Variants in NFIX observed in about 807,000 individuals in gnomAD.
NFIX encodes the protein nuclear factor I X.
A neutral mutation model predicts 53.3 loss-of-function variants in NFIX; 2 were observed. That is an observed-to-expected ratio of 0.04 (90% CI 0.02 to 0.12). The LOEUF (loss-of-function observed/expected upper bound fraction) is 0.12. Among genes scored for constraint, NFIX ranks in the 10% least tolerant of loss-of-function variants. The pLI is 1.00. For missense variants in NFIX, 310 were observed against 674.5 expected (o/e 0.46, Z 5.99); for synonymous variants, 244 against 289.0 (o/e 0.84, Z 1.58).
Position 13,002,397 on chromosome 19 carries a change from C to T in NFIX, c.27+6533C>T, listed in dbSNP as rs572988515. 4.1e-4 allele frequency among the ~76,000 whole-genome samples: 63 copies of T among 152,238 alleles called. No individual in the cohort carries two copies. Among genetic ancestry groups the T allele is most frequent in the Admixed American group, 6.5e-4 (10 of 15,306 alleles). ...ACCCCCCCTTCCTCACCACCTCCCC[C>T]CTCCCGAGGAGCCCCTCTGAGGGCG... On this transcript the variant is annotated intron_variant, in intron 1 of 10. Coordinates refer to ENST00000592199, the MANE Select transcript of NFIX (RefSeq NM_001365902.3). This position sits in a 1 kb window ranked among gnomAD's most constrained non-coding sequence, Gnocchi z 6.1.
rs1225566140 is a variant in NFIX, at chr19:13,012,390, C to T, written c.28-12631C>T. 6.6e-6 allele frequency: 1 copy of T among 152,168 alleles called. No individual in the cohort carries two copies. The highest frequency in any genetic ancestry group is 2.4e-5 in the African/African-American group (1 of 41,392). 9.4% of individuals were successfully genotyped at this position (152,168 alleles called of 1,614,324 possible). On this transcript the variant is annotated intron_variant, in intron 1 of 10. Coordinates refer to ENST00000592199, the MANE Select transcript of NFIX (RefSeq NM_001365902.3). This position sits in a 1 kb window ranked among gnomAD's most constrained non-coding sequence, Gnocchi z 5.0. Reference sequence around the variant, plus strand: ...TCTGGGTGGCGTCCTCCCGGCCCCTCGCTGCTCAAGCGCGGCTCCCTCTTG... The same window carrying T: ...TCTGGGTGGCGTCCTCCCGGCCCCTTGCTGCTCAAGCGCGGCTCCCTCTTG...
At position 13,021,590 on chromosome 19, in the gene NFIX, T is replaced by G. The variant is rs989360156; in HGVS notation, c.28-3431T>G. Among the ~76,000 whole-genome samples the G allele has an allele frequency of 1.3e-5, 2 of 152,216 alleles. No homozygotes were observed. The highest frequency in any genetic ancestry group is 1.5e-5 in the Non-Finnish European group (1 of 68,036). ...GCCTCGCTGAGGGAGAGGGCGGCTG[T>G]AGGGATGGGGTTCTGAGTGGAATTG... On this transcript the variant is annotated intron_variant, in intron 1 of 10. Transcript: ENST00000592199. This position sits in a 1 kb window ranked among gnomAD's most constrained non-coding sequence, Gnocchi z 4.2.
At chr19:13,085,487 C>T (rs964026356) in intron 8 of NFIX, among the ~76,000 whole-genome samples, 4 of 152,210 alleles carry the variant, frequency 2.6e-5, no homozygotes, top group African/African-American at 9.7e-5. Context: ...TTCCCTCCTT[C>T]TAGGCAGGCA....
chr19:13,096,389 G>C lies in NFIX; in HGVS notation c.*1740G>C, dbSNP rs2018458565. ...AAGAGGAGGGAGTGACGGGAGGGGA[G>C]GAGGTCAGCGACCTGGGGCCGTAGC... On this transcript the variant is annotated 3_prime_UTR_variant, in exon 11 of 11. Coordinates refer to ENST00000592199, the MANE Select transcript of NFIX (RefSeq NM_001365902.3). 1 of 152,370 alleles carries C rather than the reference G, an allele frequency of 6.6e-6. No homozygotes were observed. The highest frequency in any genetic ancestry group is 1.5e-5 in the Non-Finnish European group (1 of 68,122). The allele number at this position is 152,370 out of a possible 1,614,324, so 9.4% of individuals were successfully genotyped here. A position where few individuals can be genotyped will look rare whatever the true frequency, so the allele number is the denominator to read the frequency against.
intron 1 of NFIX, among the ~76,000 whole-genome samples, chr19:13,023,473 C>T (rs897850241): frequency 3.3e-5 from 5 of 152,154 alleles, no homozygotes; most frequent in Admixed American, 2.6e-4. Flanking sequence ...ACCCCTGTGC[C>T]GCTGCCAAAG....
rs966936576 is a variant in NFIX at position 13,093,356 on chromosome 19, A to G, written c.1495-1279A>G. 6.6e-6 allele frequency among the ~76,000 whole-genome samples: 1 copy of G among 152,212 alleles called. No homozygotes were observed. The highest frequency in any genetic ancestry group is 1.5e-5 in the Non-Finnish European group (1 of 68,042). On this transcript the variant is annotated intron_variant, in intron 10 of 10. Coordinates refer to ENST00000592199, the MANE Select transcript of NFIX (RefSeq NM_001365902.3). The surrounding 1 kb of genome is among the most constrained non-coding windows in gnomAD (Gnocchi z 4.7). ...GTTTGACCAAAGCAATGTTTTAAATATTGGAAATTTTCACACGAAATTCTG... is the reference window on the plus strand; with the variant it reads ...GTTTGACCAAAGCAATGTTTTAAATGTTGGAAATTTTCACACGAAATTCTG...
rs565060781 is a variant in NFIX, at chr19:13,081,086, G to A, written c.1079-594G>A. Among the ~76,000 whole-genome samples, 1 of 152,080 alleles carries A rather than the reference G, an allele frequency of 6.6e-6. No homozygotes were observed. The highest frequency in any genetic ancestry group is 2.4e-5 in the African/African-American group (1 of 41,486). On this transcript the variant is annotated intron_variant, in intron 7 of 10. Transcript: ENST00000592199. This position sits in a 1 kb window ranked among gnomAD's most constrained non-coding sequence, Gnocchi z 4.7. ...AGGCCAAGGCAGGCAGATCACTTGA[G>A]CCCAGGAGTTTGAGATTAACCAGGA...
chr19:13,024,164 A>G, intron 1 of NFIX: 1 of 730,576 alleles, frequency 1.4e-6, no homozygotes, highest in Non-Finnish European at 2.2e-6. Flanking sequence ...TCCTTCTGTC[A>G]CCTGACTGAG....
In NFIX at chr19:12,996,538, G is replaced by A. The variant is rs2011473507; in HGVS notation, c.27+674G>A. ...GGGGCAGGGGAGGGGAGAGGGGGGC[G>A]GGCGCGCTGCCAGCGGTGGCCGCGC... On this transcript the variant is annotated intron_variant, in intron 1 of 10. Transcript: ENST00000592199. The surrounding 1 kb of genome is among the most constrained non-coding windows in gnomAD (Gnocchi z 5.2). Among the ~76,000 whole-genome samples, 1 of 152,130 alleles carries A rather than the reference G, an allele frequency of 6.6e-6. No homozygotes were observed.
rs1321642023 is a variant in NFIX at position 13,013,445 on chromosome 19, T to C, written c.28-11576T>C. ...TTACTTAAATGAGCTTTGATGGTGT[T>C]AGGTCCTTTTCCACGTGCGGATGAC... On this transcript the variant is annotated intron_variant, in intron 1 of 10. Coordinates refer to ENST00000592199, the MANE Select transcript of NFIX (RefSeq NM_001365902.3). The surrounding 1 kb of genome is among the most constrained non-coding windows in gnomAD (Gnocchi z 5.9). 6.6e-6 allele frequency among the ~76,000 whole-genome samples: 1 copy of C among 152,144 alleles called. No homozygotes were observed. The highest frequency in any genetic ancestry group is 1.5e-5 in the Non-Finnish European group (1 of 68,038).
intron 2 of NFIX, among the ~76,000 whole-genome samples, chr19:13,058,613 G>T (rs1254585394): frequency 6.6e-6 from 1 of 151,462 alleles, no homozygotes; most frequent in Non-Finnish European, 1.5e-5. Context: ...GGGTCCTTAA[G>T]CCCAGGAGTT....
In NFIX at chr19:13,021,782, C is replaced by T. The variant is rs1395830782; in HGVS notation, c.28-3239C>T. On this transcript the variant is annotated intron_variant, in intron 1 of 10. Coordinates refer to ENST00000592199, the MANE Select transcript of NFIX (RefSeq NM_001365902.3). This position sits in a 1 kb window ranked among gnomAD's most constrained non-coding sequence, Gnocchi z 4.2. ...GGGACTCCCCTACCCAGTGCTCACC[C>T]TTTCTGCTTGCTGTGAGGAAGGTCC... Among the ~76,000 whole-genome samples, 3 of 152,110 alleles carry T rather than the reference C, an allele frequency of 2.0e-5. No individual in the cohort carries two copies. The highest frequency in any genetic ancestry group is 4.4e-5 in the Non-Finnish European group (3 of 68,000).
In NFIX at chr19:13,025,779, C is replaced by T. The variant is rs1337867131; in HGVS notation, c.559+227C>T. 1.3e-5 allele frequency among the ~76,000 whole-genome samples: 2 copies of T among 152,186 alleles called. No homozygotes were observed. Among genetic ancestry groups the T allele is most frequent in the African/African-American group, 2.4e-5 (1 of 41,426 alleles). ...CTCCTCTGCCCCCTGGCCATGGTAT[C>T]GACTTTGTGCATCTCCATCTTTGGA... is the stretch of plus-strand genomic sequence containing the variant. On this transcript the variant is annotated intron_variant, in intron 2 of 10. Transcript: ENST00000592199. This position sits in a 1 kb window ranked among gnomAD's most constrained non-coding sequence, Gnocchi z 7.5.
chr19:13,050,449 C>T (rs10422690), intron 2 of NFIX, among the ~76,000 whole-genome samples: 1,896 of 152,348 alleles, frequency 0.012, 38 homozygotes, highest in African/African-American at 0.044. Flanking sequence ...TCCATTTTGT[C>T]CATTACACAC....
In NFIX at chr19:12,996,737, C is replaced by T. The variant is rs908300165; in HGVS notation, c.27+873C>T. Among the ~76,000 whole-genome samples the T allele has an allele frequency of 6.6e-6, 1 of 152,244 alleles. No individual in the cohort carries two copies. The highest frequency in any genetic ancestry group is 1.5e-5 in the Non-Finnish European group (1 of 68,034). On this transcript the variant is annotated intron_variant, in intron 1 of 10. Coordinates refer to ENST00000592199, the MANE Select transcript of NFIX (RefSeq NM_001365902.3). This position sits in a 1 kb window ranked among gnomAD's most constrained non-coding sequence, Gnocchi z 5.2. ...GGGAGGCAGCCGTGGACACAGCCGA[C>T]AGTGCTGCGGCCACACCGTCGGGTC... is the stretch of plus-strand genomic sequence containing the variant.
chr19:12,997,399 A>C (rs2011508788), intron 1 of NFIX, among the ~76,000 whole-genome samples: 1 of 152,210 alleles, frequency 6.6e-6, no homozygotes, highest in African/African-American at 2.4e-5. Flanking sequence ...AGCAGGCCCA[A>C]GTACGTGTTG....
intron 2 of NFIX, among the ~76,000 whole-genome samples, chr19:13,071,526 A>G (rs1203308707): frequency 6.6e-6 from 1 of 152,206 alleles, no homozygotes; most frequent in Non-Finnish European, 1.5e-5. Flanking sequence ...AAGGGGAGGT[A>G]TGGAAGGATA....
chr19:13,008,621 G>T (rs2012155112), intron 1 of NFIX, among the ~76,000 whole-genome samples: 1 of 151,920 alleles, frequency 6.6e-6, no homozygotes. Context: ...CTTTCTCCAG[G>T]TCTCCGCTGG....
chr19:13,073,335 G>A lies in NFIX; in HGVS notation c.623-87G>A. The A allele has an allele frequency of 8.3e-7, 1 of 1,205,550 alleles. No homozygotes were observed. The highest frequency in any genetic ancestry group is 1.2e-6 in the Non-Finnish European group (1 of 808,118). 74.7% of individuals were successfully genotyped at this position (1,205,550 alleles called of 1,614,324 possible). On this transcript the variant is annotated intron_variant, in intron 3 of 10. Transcript: ENST00000592199. This position sits in a 1 kb window ranked among gnomAD's most constrained non-coding sequence, Gnocchi z 4.5. ...AGCTGGAAACGGGACTTGGGAGGGA[G>A]AAGCAACAGTGTGGAAGACCTTTGG...
Sources: gnomAD v4.1 joint callset for allele counts (sites outside exome capture counted in the v4.1 genomes callset) on GRCh38, gnomAD v4.1.1 for gene constraint, Gnocchi (gnomAD v3.1) non-coding constraint, MANE v1.5 for transcripts, NCBI Gene and HGNC (gene_info 2026-07-23, HGNC 2026-07-21) for gene names.